Variants in RNASEH1 observed in about 807,000 individuals in gnomAD.
RNASEH1 encodes ribonuclease H1.
Under a neutral mutation model 34.6 loss-of-function variants are expected in RNASEH1, and 27 were observed. That is an observed-to-expected ratio of 0.78 (90% CI 0.58 to 1.08). The LOEUF is 1.08. Ranked by LOEUF, RNASEH1 falls within the 50% of genes least tolerant of loss-of-function variation. The pLI is 0.00. For missense variants in RNASEH1, 349 were observed against 373.6 expected, an observed-to-expected ratio of 0.93 and a Z score of 0.54; for synonymous variants, 162 against 138.4, an observed-to-expected ratio of 1.17 and a Z score of -1.20.
intron 7 of RNASEH1, 49 bp downstream of exon 7, chr2:3,547,877 ACTTAG>A: frequency 1.3e-6 from 2 of 1,565,734 alleles, no homozygotes; most frequent in Non-Finnish European, 1.8e-6. Context: ...TCTCTAGTAA[ACTTAG>A]CTTATTTGGT....
At chr2:3,553,469 C>CA (rs968699797) in intron 2 of RNASEH1, among the ~76,000 whole-genome samples, 16 of 151,890 alleles carry the variant, frequency 1.1e-4, no homozygotes, top group Admixed American at 9.8e-4. Context: ...TGGCTCACTG[C>CA]AACTTCCACC....
At chr2:3,532,008 T>G in the RNASEH1 span, 2 of 511,488 alleles carry the variant, frequency 3.9e-6, no homozygotes, top group Admixed American at 3.3e-5. Flanking sequence ...CAGAGAAAGG[T>G]TTATTCCATT....
intron 1 of RNASEH1, chr2:3,557,914 T>C (rs1231864578): frequency 1.3e-6 from 2 of 1,524,302 alleles, no homozygotes; most frequent in African/African-American, 1.4e-5. Flanking sequence ...ACGTTTCTGA[T>C]ATTTCAAACA....
chr2:3,545,085 T>C lies in RNASEH1; in HGVS notation c.*700A>G, dbSNP rs1036597336. 4 of 129,542 alleles carry C rather than the reference T, an allele frequency of 3.1e-5. No homozygotes were observed. Among genetic ancestry groups the C allele is most frequent in the African/African-American group, 1.1e-4 (4 of 36,300 alleles). 8.0% of individuals were successfully genotyped at this position (129,542 alleles called of 1,614,324 possible). A position where few individuals can be genotyped will look rare whatever the true frequency, so the allele number is the denominator to read the frequency against. On this transcript the variant is annotated 3_prime_UTR_variant, in exon 8 of 8. Coordinates refer to ENST00000315212, the MANE Select transcript of RNASEH1 (RefSeq NM_002936.6). Reference sequence around the variant, plus strand: ...CCACTGTGCCCAGCCGGTGTCTTACTTTTTTTTTTTTTTTTTTAATTTGCA... The same window carrying C: ...CCACTGTGCCCAGCCGGTGTCTTACCTTTTTTTTTTTTTTTTTAATTTGCA...
At chr2:3,550,762 C>T (rs892646370) in intron 3 of RNASEH1, among the ~76,000 whole-genome samples, 8 of 152,210 alleles carry the variant, frequency 5.3e-5, no homozygotes, top group African/African-American at 1.9e-4. Flanking sequence ...ACATCCCACA[C>T]TGTGGGTTCA....
chr2:3,550,595 T>C (rs1200404454), intron 3 of RNASEH1, 123 bp from the exon 4 acceptor site: 1 of 725,622 alleles, frequency 1.4e-6, no homozygotes, highest in Non-Finnish European at 2.5e-6. Context: ...GCTGCAGACG[T>C]TTTCTCTCTA....
At chr2:3,546,714 C>T (rs564309315) in intron 7 of RNASEH1, among the ~76,000 whole-genome samples, 329 of 152,252 alleles carry the variant, frequency 2.2e-3, no homozygotes, top group Non-Finnish European at 3.2e-3. Context: ...GTGGTTGCAG[C>T]GAGCCGAGAT....
In RNASEH1 at chr2:3,545,814, T is replaced by C. The variant is rs780234918; in HGVS notation, c.832A>G (p.Arg278Gly). 4 of 1,613,764 alleles carry C rather than the reference T, an allele frequency of 2.5e-6. No homozygotes were observed. In the African/African-American group the frequency reaches 4.0e-5, roughly 16 times the overall value. The change falls in exon 8 of 8, where the codon AGA becomes GGA. Residue 278 changes from arginine to glycine, a missense_variant. Coordinates refer to ENST00000315212, the MANE Select transcript of RNASEH1 (RefSeq NM_002936.6). Reference sequence around the variant, plus strand: ...TCTTCCGATTGTTTAGCTCCTTCTCTGGCTAATCTGTCAGCTTCTTCATTG... The same window carrying C: ...TCTTCCGATTGTTTAGCTCCTTCTCCGGCTAATCTGTCAGCTTCTTCATTG... ...IGNEEADRLAREGAKQSED is the reference protein window; with the variant it reads ...IGNEEADRLAGEGAKQSED
rs766226054 is a variant in RNASEH1, at chr2:3,541,932, C to T, written c.*3853G>A. Among the ~76,000 whole-genome samples, 12 of 152,150 alleles carry T rather than the reference C, an allele frequency of 7.9e-5. No individual in the cohort carries two copies. The highest frequency in any genetic ancestry group is 1.5e-4 in the Non-Finnish European group (10 of 68,034). Reference sequence around the variant, plus strand: ...CTTTGGGAGGCCAAGGAAGGAGGATCGCTTGAGGCCAGGAGTTTAAGACCA... The same window carrying T: ...CTTTGGGAGGCCAAGGAAGGAGGATTGCTTGAGGCCAGGAGTTTAAGACCA... On this transcript the variant is annotated 3_prime_UTR_variant, in exon 8 of 8. Transcript: ENST00000315212.
In RNASEH1 at chr2:3,543,209, T is replaced by G. The variant is rs1201053084; in HGVS notation, c.*2576A>C. Among the ~76,000 whole-genome samples, 1 of 152,216 alleles carries G rather than the reference T, an allele frequency of 6.6e-6. No individual in the cohort carries two copies. ...CTGACCTGCAGTCAGTCTGGCCATG[T>G]ACATGTGTCTTTCCCTTCCTGTGGC... On this transcript the variant is annotated 3_prime_UTR_variant, in exon 8 of 8. Coordinates refer to ENST00000315212, the MANE Select transcript of RNASEH1 (RefSeq NM_002936.6).
rs1232859542 is a variant in RNASEH1, at chr2:3,544,010, G to T, written c.*1775C>A. On this transcript the variant is annotated 3_prime_UTR_variant, in exon 8 of 8. Coordinates refer to ENST00000315212, the MANE Select transcript of RNASEH1 (RefSeq NM_002936.6). ...TAAAAACTTAGTGTACAAGAGCAAA[G>T]AATCAAGCATTTATCCTGCCCTTCC... Among the ~76,000 whole-genome samples, 1 of 152,154 alleles carries T rather than the reference G, an allele frequency of 6.6e-6. No individual in the cohort carries two copies. The highest frequency in any genetic ancestry group is 1.5e-5 in the Non-Finnish European group (1 of 68,024).
chr2:3,532,471 A>G, the RNASEH1 span, among the ~76,000 whole-genome samples: 1 of 152,078 alleles, frequency 6.6e-6, no homozygotes, highest in African/African-American at 2.4e-5. Context: ...CTTGACTGGG[A>G]TAGGTTCTAA....
intron 2 of RNASEH1, among the ~76,000 whole-genome samples, chr2:3,555,113 CAG>C (rs1660353833): frequency 6.6e-6 from 1 of 152,220 alleles, no homozygotes; most frequent in Non-Finnish European, 1.5e-5. Flanking sequence ...TGACCAAGGA[CAG>C]AGAAGTTTCA....
chr2:3,538,367 A>G (rs1343762503), downstream of RNASEH1, among the ~76,000 whole-genome samples: 1 of 150,602 alleles, frequency 6.6e-6, no homozygotes, highest in Non-Finnish European at 1.5e-5. Context: ...AAATATATAT[A>G]ATATATATAT....
chr2:3,552,533 A>G (rs1337789048), intron 2 of RNASEH1, among the ~76,000 whole-genome samples: 1 of 7,494 alleles, frequency 1.3e-4, no homozygotes, highest in Non-Finnish European at 2.4e-4. Flanking sequence ...CCCCCTCCAC[A>G]CCACCTCCAC....
intron 2 of RNASEH1, among the ~76,000 whole-genome samples, chr2:3,553,161 T>G (rs1033998452): frequency 6.6e-6 from 1 of 151,344 alleles, no homozygotes; most frequent in Non-Finnish European, 1.5e-5. Flanking sequence ...GGCAGGAGAA[T>G]GGTGTGAACC....
chr2:3,537,469 C>G (rs10153783), downstream of RNASEH1, among the ~76,000 whole-genome samples: 27,881 of 151,986 alleles, frequency 0.18, 2,707 homozygotes, highest in African/African-American at 0.25. Context: ...ATGGCTCTAA[C>G]CCCAGCGTGT....
At chr2:3,557,506 T>A (rs1660629787) in intron 1 of RNASEH1, among the ~76,000 whole-genome samples, 1 of 152,210 alleles carries the variant, frequency 6.6e-6, no homozygotes, top group Admixed American at 6.5e-5. Flanking sequence ...ATACTGTAGC[T>A]GCCGTGCATG....
At position 3,558,128 on chromosome 2, in the gene RNASEH1, C is replaced by G; in HGVS notation, c.128+5G>C. 1.9e-6 allele frequency: 3 copies of G among 1,591,396 alleles called. No homozygotes were observed. The highest frequency in any genetic ancestry group is 2.6e-6 in the Non-Finnish European group (3 of 1,171,486). ...GGGAGGCGCCTCGGCGGGCGGGCCA[C>G]TCACCAGGTCAGAAAGACCCCGGTC... On this transcript the variant is annotated splice_donor_5th_base_variant and intron_variant, in intron 1 of 7. Transcript: ENST00000315212.
Sources: gnomAD v4.1 joint callset for allele counts (sites outside exome capture counted in the v4.1 genomes callset) on GRCh38, gnomAD v4.1.1 for gene constraint, MANE v1.5 for transcripts, NCBI Gene and HGNC (gene_info 2026-07-23, HGNC 2026-07-21) for gene names.